The following ISCA1 variants were observed in gnomAD, a reference collection of about 807,000 sequenced individuals.
The protein encoded by ISCA1 is iron-sulfur cluster assembly 1, also known as iron-sulfur cluster assembly 1 homolog, mitochondrial.
Under a neutral mutation model 14.7 loss-of-function variants are expected in ISCA1, and 9 were observed. The ratio of observed to expected loss-of-function variants is 0.61; its 90% CI spans 0.37 to 1.07. The LOEUF (loss-of-function observed/expected upper bound fraction) is 1.07. Ranked by LOEUF, ISCA1 falls within the 50% of genes least tolerant of loss-of-function variation. The pLI, the probability that ISCA1 is intolerant of heterozygous loss-of-function variation, is 0.01. For missense variants in ISCA1, 102 were observed against 150.1 expected, an observed-to-expected ratio of 0.68 and a Z score of 1.67; for synonymous variants, 38 against 54.3, an observed-to-expected ratio of 0.70 and a Z score of 1.32.
chr9:86,275,786 A>T (rs903539164), intron 1 of ISCA1, among the ~76,000 whole-genome samples: 1 of 152,226 alleles, frequency 6.6e-6, no homozygotes, highest in Admixed American at 6.5e-5. Context: ...CCTCCAACGC[A>T]GGAAGTAGCA....
intron 3 of ISCA1, among the ~76,000 whole-genome samples, chr9:86,270,404 C>T (rs1490495158): frequency 1.7e-4 from 25 of 151,196 alleles, no homozygotes; most frequent in African/African-American, 6.1e-4. Flanking sequence ...TACCATCTCA[C>T]ACCAGTTAGA....
Position 86,265,974 on chromosome 9 carries a change from A to G in ISCA1, c.*69T>C. On this transcript the variant is annotated 3_prime_UTR_variant, in exon 4 of 4. Transcript: ENST00000375991. ...TTTTCCAGCACGTGACAGTCACATGATTTCTGCAGTGAGCCCCAAAGCTTC... is the reference window on the plus strand; with the variant it reads ...TTTTCCAGCACGTGACAGTCACATGGTTTCTGCAGTGAGCCCCAAAGCTTC... 6.2e-7 allele frequency: 1 copy of G among 1,601,998 alleles called. No homozygotes were observed. The highest frequency in any genetic ancestry group is 8.5e-7 in the Non-Finnish European group (1 of 1,170,816).
rs1330198613 is a variant in ISCA1, at chr9:86,282,487, G to C, written c.-29C>G. 37 of 1,550,188 alleles carry C rather than the reference G, an allele frequency of 2.4e-5. No individual in the cohort carries two copies. The highest frequency in any genetic ancestry group is 3.1e-5 in the Non-Finnish European group (35 of 1,146,918). On this transcript the variant is annotated 5_prime_UTR_variant, in exon 1 of 4. Transcript: ENST00000375991. ...CGCCGTCCCGGCGCCCCGGTGCCTC[G>C]GGCCGAAGGTCGGCCGCCTCAGCTT...
intron 1 of ISCA1, among the ~76,000 whole-genome samples, chr9:86,279,598 T>C (rs1360774074): frequency 6.6e-6 from 1 of 152,244 alleles, no homozygotes; most frequent in Non-Finnish European, 1.5e-5. Flanking sequence ...TCAAAATTTA[T>C]ATATCCAGGT....
In ISCA1 at chr9:86,265,932, C is replaced by T; in HGVS notation, c.*111G>A. On this transcript the variant is annotated 3_prime_UTR_variant, in exon 4 of 4. Coordinates refer to ENST00000375991, the MANE Select transcript of ISCA1 (RefSeq NM_030940.4). ...GAATCCAACACACTGGATTCATTTTCAAGATGTATCACTTTATTTTCCAGC... is the reference window on the plus strand; with the variant it reads ...GAATCCAACACACTGGATTCATTTTTAAGATGTATCACTTTATTTTCCAGC... The T allele has an allele frequency of 6.8e-7, 1 of 1,480,766 alleles. No individual in the cohort carries two copies. The highest frequency in any genetic ancestry group is 9.4e-7 in the Non-Finnish European group (1 of 1,061,004). 91.7% of individuals were successfully genotyped at this position (1,480,766 alleles called of 1,614,324 possible). A position where few individuals can be genotyped will look rare whatever the true frequency, so the allele number is the denominator to read the frequency against.
In ISCA1 at chr9:86,266,095, T is replaced by G. The variant is rs202167982; in HGVS notation, c.338A>C (p.Asn113Thr). 3 of 1,612,910 alleles carry G rather than the reference T, an allele frequency of 1.9e-6. No individual in the cohort carries two copies. The Admixed American group carries it at 5.0e-5, about 27-fold the overall frequency. ...EDKLSSEFVF[N>T]NPNIKGTCGC... ...ACAAGTCCCTTTGATGTTTGGGTTA[T>G]TGAACACAAACTCACTGGATAATTT... Residue 113 changes from asparagine to threonine, a missense_variant, in exon 4 of 4, where the codon AAT becomes ACT. Transcript: ENST00000375991.
chr9:86,282,331 G>GGACACGAGCAATGTCACGGGCCC (rs1564011434), intron 1 of ISCA1, 47 bp downstream of exon 1: 11 of 1,526,872 alleles, frequency 7.2e-6, no homozygotes, highest in East Asian at 5.0e-5. Context: ...TGCACGGGGC[G>GGACACGAGCAATGTCACGGGCCC]GACACGAGCA....
At chr9:86,280,594 C>CAAAAA (rs59525482) in intron 1 of ISCA1, among the ~76,000 whole-genome samples, 4 of 97,868 alleles carry the variant, frequency 4.1e-5, no homozygotes, top group South Asian at 3.5e-4. Flanking sequence ...AACCCTGTCT[C>CAAAAA]AAAAAAAAAA....
intron 3 of ISCA1, among the ~76,000 whole-genome samples, chr9:86,271,009 G>A (rs1420089618): frequency 6.7e-6 from 1 of 149,670 alleles, no homozygotes; most frequent in Non-Finnish European, 1.5e-5. Flanking sequence ...GAGTTAATGG[G>A]TGCAGCACAC....
chr9:86,266,879 T>C (rs1044881800), intron 3 of ISCA1: 1 of 152,076 alleles, frequency 6.6e-6, no homozygotes, highest in Admixed American at 6.6e-5. Context: ...ACTAATTTTT[T>C]TAGAGTCAGG....
Position 86,271,987 on chromosome 9 carries a change from A to T in ISCA1, c.241+20T>A, listed in dbSNP as rs761959809. On this transcript the variant is annotated intron_variant, in intron 3 of 3. Transcript: ENST00000375991. ...TTTAGGCAAAACAATGTGCCCAAAAAATGTTTGTTAAAAACTCACCATCTT... is the reference window on the plus strand; with the variant it reads ...TTTAGGCAAAACAATGTGCCCAAAATATGTTTGTTAAAAACTCACCATCTT... 3 of 1,434,460 alleles carry T rather than the reference A, an allele frequency of 2.1e-6. No individual in the cohort carries two copies. The East Asian group carries it at 6.8e-5, about 33-fold the overall frequency. The allele number at this position is 1,434,460 out of a possible 1,614,324, so 88.9% of individuals were successfully genotyped here.
At chr9:86,282,185 C>T in intron 1 of ISCA1, 193 bp downstream of exon 1, 1 of 632,586 alleles carries the variant, frequency 1.6e-6, no homozygotes, top group Non-Finnish European at 2.6e-6. Flanking sequence ...GCAGCCCCGC[C>T]CGGGACTTGT....
intron 3 of ISCA1, chr9:86,267,489 A>C: frequency 1.0e-6 from 1 of 975,190 alleles, no homozygotes; most frequent in Non-Finnish European, 1.2e-6. Context: ...CTAAGTGCAT[A>C]CTTCCAATGA....
chr9:86,271,596 C>G (rs1040808426), intron 3 of ISCA1, among the ~76,000 whole-genome samples: 5 of 152,216 alleles, frequency 3.3e-5, no homozygotes, highest in Admixed American at 6.5e-5. Flanking sequence ...TATAAAACTA[C>G]TGCTTACACA....
At position 86,279,231 on chromosome 9, in the gene ISCA1, T is replaced by C. The variant is rs571574179; in HGVS notation, c.81+3147A>G. On this transcript the variant is annotated intron_variant, in intron 1 of 3. Coordinates refer to ENST00000375991, the MANE Select transcript of ISCA1 (RefSeq NM_030940.4). ...ACAATGAATTCATCAAGAATGATAG[T>C]GGCTGTGCACCATCATTCTCTCATA... 9.2e-5 allele frequency among the ~76,000 whole-genome samples: 14 copies of C among 152,344 alleles called. 1 individual carries two copies. Among genetic ancestry groups the C allele is most frequent in the African/African-American group, 3.4e-4 (14 of 41,574 alleles).
chr9:86,280,978 A>G (rs962293579), intron 1 of ISCA1, among the ~76,000 whole-genome samples: 17 of 152,092 alleles, frequency 1.1e-4, no homozygotes, highest in African/African-American at 4.1e-4. Context: ...CAAAAAACAA[A>G]AAACCCAGTT....
chr9:86,279,801 C>T (rs992423742), intron 1 of ISCA1, among the ~76,000 whole-genome samples: 5 of 152,304 alleles, frequency 3.3e-5, no homozygotes, highest in Admixed American at 2.0e-4. Context: ...TTGCACTTGA[C>T]GATACATGCT....
chr9:86,279,487 G>A (rs1825482861), intron 1 of ISCA1, among the ~76,000 whole-genome samples: 1 of 152,194 alleles, frequency 6.6e-6, no homozygotes. Context: ...GCATTGAACT[G>A]TGTTATATTA....
At chr9:86,271,861 TG>T in intron 3 of ISCA1, 145 bp downstream of exon 3, 1 of 600,820 alleles carries the variant, frequency 1.7e-6, no homozygotes, top group South Asian at 2.1e-5. Flanking sequence ...AGTTAATACA[TG>T]AAATTCCATC....
Sources: allele counts gnomAD v4.1 joint callset (sites outside exome capture counted in the v4.1 genomes callset), GRCh38; gene constraint gnomAD v4.1.1; transcripts MANE v1.5; gene names NCBI Gene and HGNC (gene_info 2026-07-23, HGNC 2026-07-21).